The following MED6 variants were observed in gnomAD, a reference collection of about 807,000 sequenced individuals.
MED6 encodes the protein mediator complex subunit 6.
MED6 carries 33 observed loss-of-function variants against 37.5 expected under a neutral mutation model. The observed-to-expected ratio is 0.88, with a 90% CI of 0.67 to 1.18. The LOEUF (loss-of-function observed/expected upper bound fraction) is 1.18. Among genes scored for constraint, MED6 ranks in the 50% most tolerant of loss-of-function variants. The pLI is 0.00. For synonymous variants in MED6, 94 were observed against 93.6 expected (o/e 1.00, Z -0.02); for missense variants, 235 against 290.6 (o/e 0.81, Z 1.39).
In MED6 at chr14:70,585,819, A is replaced by G. The variant is rs768309120; in HGVS notation, c.583-36T>C. 20 of 1,584,136 alleles carry G rather than the reference A, an allele frequency of 1.3e-5. No individual in the cohort carries two copies. In the South Asian group the frequency reaches 2.2e-4, roughly 18 times the overall value. ...TTAGAAAAAAGGGAGGGAGAGGAAG[A>G]GGAAAAAGAAGAAAACAGGTCAACT... On this transcript the variant is annotated intron_variant, in intron 6 of 7. Coordinates refer to ENST00000256379, the MANE Select transcript of MED6 (RefSeq NM_005466.4).
rs781223773 is a variant in MED6 at position 70,584,860 on chromosome 14, T to C, written c.694A>G (p.Thr232Ala). Residue 232 changes from threonine (T) to alanine (A), a missense_variant, in exon 8 of 8, where the codon ACA becomes GCA. Thr to Ala is a moderately conservative substitution (Grantham distance 58). Coordinates refer to ENST00000256379, the MANE Select transcript of MED6 (RefSeq NM_005466.4). ...TCAGGGGGGCCTTTAGCACTCACTGTCTGTTGTACATTCTTTGTGGTCTCC... is the reference window on the plus strand; with the variant it reads ...TCAGGGGGGCCTTTAGCACTCACTGCCTGTTGTACATTCTTTGTGGTCTCC... ...EKETTKNVQQ[T>A]VSAKGPPEKR... is the part of the protein sequence containing the mutation. 1 of 1,614,214 alleles carries C rather than the reference T, an allele frequency of 6.2e-7. No individual in the cohort carries two copies. Among genetic ancestry groups the C allele is most frequent in the Non-Finnish European group, 8.5e-7 (1 of 1,180,024 alleles).
intron 1 of MED6, among the ~76,000 whole-genome samples, chr14:70,600,327 G>A (rs1228276791): frequency 6.6e-6 from 1 of 151,760 alleles, no homozygotes; most frequent in East Asian, 1.9e-4. Flanking sequence ...TAGCCCTAAT[G>A]TTGTTGCAGA....
At chr14:70,590,719 T>C (rs10142880) in intron 6 of MED6, among the ~76,000 whole-genome samples, 5,508 of 152,262 alleles carry the variant, frequency 0.036, 332 homozygotes, top group African/African-American at 0.12. Context: ...GGATTTGCTA[T>C]TGCTGTTAGA....
rs756169627 is a variant in MED6, at chr14:70,597,791, A to G, written c.23-14T>C. 1 of 1,534,636 alleles carries G rather than the reference A, an allele frequency of 6.5e-7. No individual in the cohort carries two copies. The highest frequency in any genetic ancestry group is 8.7e-7 in the Non-Finnish European group (1 of 1,154,198). On this transcript the variant is annotated splice_polypyrimidine_tract_variant and intron_variant, in intron 1 of 7. Transcript: ENST00000256379. The stretch of plus-strand genomic sequence containing the variant: ...CCAGCAGATTGTCTATGGGAAAGAA[A>G]ACAAAATGATAAAGGATTAGAAAAA...
rs764749128 is a variant in MED6 at position 70,584,774 on chromosome 14, A to C, written c.*39T>G. On this transcript the variant is annotated 3_prime_UTR_variant, in exon 8 of 8. Transcript: ENST00000256379. ...GCCACAGTACTGAGGTATGATAACT[A>C]GCATGAGGAGTCTTCCAGGCTTCTC... is the stretch of plus-strand genomic sequence containing the variant. The C allele has an allele frequency of 1.2e-6, 2 of 1,601,880 alleles. No individual in the cohort carries two copies. Among genetic ancestry groups the C allele is most frequent in the African/African-American group, 1.3e-5 (1 of 74,110 alleles).
At chr14:70,592,179 G>A (rs1239639976) in intron 5 of MED6, among the ~76,000 whole-genome samples, 1 of 152,160 alleles carries the variant, frequency 6.6e-6, no homozygotes, top group Non-Finnish European at 1.5e-5. Flanking sequence ...AGGAAATGGA[G>A]AATACAAGTA....
rs759833097 is a variant in MED6, at chr14:70,584,176, T to G, written c.*637A>C. On this transcript the variant is annotated 3_prime_UTR_variant, in exon 8 of 8. Transcript: ENST00000256379. ...TTAGTTACTACTTTAACATCCTTTATGTCTTCAAAGTGCATCTGAAAAATA... is the reference window on the plus strand; with the variant it reads ...TTAGTTACTACTTTAACATCCTTTAGGTCTTCAAAGTGCATCTGAAAAATA... 1.3e-6 allele frequency: 1 copy of G among 757,012 alleles called. No homozygotes were observed. The highest frequency in any genetic ancestry group is 1.7e-5 in the African/African-American group (1 of 58,312). The allele number at this position is 757,012 out of a possible 1,614,324, so 46.9% of individuals were successfully genotyped here.
chr14:70,594,858 C>A, intron 3 of MED6: 3 of 664,004 alleles, frequency 4.5e-6, no homozygotes, highest in South Asian at 4.1e-5. Flanking sequence ...GAGTGAGGAG[C>A]CTGGAGACCG....
At chr14:70,594,433 C>CCAAAATG in intron 3 of MED6, 4 of 231,568 alleles carry the variant, frequency 1.7e-5, no homozygotes, top group Non-Finnish European at 3.4e-5. Flanking sequence ...TTTGATATGA[C>CCAAAATG]CAGATCTACC....
chr14:70,598,294 T>C (rs984266069), intron 1 of MED6, among the ~76,000 whole-genome samples: 1 of 151,626 alleles, frequency 6.6e-6, no homozygotes, highest in South Asian at 2.1e-4. Context: ...TGAAACTCCG[T>C]CTCAAAAAAA....
At chr14:70,591,142 C>T in intron 6 of MED6, 124 bp downstream of exon 6, 1 of 709,586 alleles carries the variant, frequency 1.4e-6, no homozygotes, top group Admixed American at 3.2e-5. Flanking sequence ...ATACAGAGAT[C>T]ATTTTTTAAC....
At chr14:70,595,364 G>C (rs966440223) in intron 3 of MED6, 1 of 565,702 alleles carries the variant, frequency 1.8e-6, no homozygotes, top group Non-Finnish European at 3.4e-6. Context: ...AGCAGATTGA[G>C]GAGAACACCA....
chr14:70,600,530 G>T, intron 1 of MED6, 86 bp downstream of exon 1: 1 of 1,472,788 alleles, frequency 6.8e-7, no homozygotes, highest in South Asian at 1.2e-5. Flanking sequence ...TTCACACAAA[G>T]GAACCTAAAC....
intron 6 of MED6, among the ~76,000 whole-genome samples, chr14:70,590,078 C>A (rs1884824553): frequency 6.6e-6 from 1 of 152,112 alleles, no homozygotes; most frequent in South Asian, 2.1e-4. Flanking sequence ...CTTTTTCATA[C>A]AAGTCTGAAA....
intron 7 of MED6, among the ~76,000 whole-genome samples, chr14:70,585,197 A>G (rs917386379): frequency 6.6e-6 from 1 of 152,252 alleles, no homozygotes; most frequent in African/African-American, 2.4e-5. Flanking sequence ...AACAAGATAT[A>G]TAATTATTCT....
Position 70,595,652 on chromosome 14 carries a change from G to C in MED6, c.274+959C>G, listed in dbSNP as rs1684587599. The C allele has an allele frequency of 2.3e-5, 22 of 954,496 alleles. 1 individual carries two copies. The South Asian group carries it at 2.6e-4, about 11-fold the overall frequency. 59.1% of individuals were successfully genotyped at this position (954,496 alleles called of 1,614,324 possible). A position where few individuals can be genotyped will look rare whatever the true frequency, so the allele number is the denominator to read the frequency against. On this transcript the variant is annotated intron_variant, in intron 3 of 7. Coordinates refer to ENST00000256379, the MANE Select transcript of MED6 (RefSeq NM_005466.4). ...AGGCCCTGCTGAACATCAAGGTCAA[G>C]CTGTAGGCTGAGATCACCACCTACC... is the stretch of plus-strand genomic sequence containing the variant.
chr14:70,597,536 A>G, intron 2 of MED6, 82 bp downstream of exon 2: 1 of 1,242,422 alleles, frequency 8.0e-7, no homozygotes. Flanking sequence ...TCTACTCTGC[A>G]CTTCATGATC....
chr14:70,594,120 A>G (rs10483832), intron 3 of MED6, among the ~76,000 whole-genome samples: 28,094 of 152,126 alleles, frequency 0.18, 3,399 homozygotes, highest in East Asian at 0.52. Context: ...CAAGTTAAAG[A>G]TTGTCCATAA....
chr14:70,599,490 T>C (rs1008676401), intron 1 of MED6, among the ~76,000 whole-genome samples: 11 of 152,260 alleles, frequency 7.2e-5, no homozygotes, highest in Non-Finnish European at 1.5e-4. Context: ...ATCACATCAT[T>C]CCTCTGATGG....
Sources: gnomAD v4.1 joint callset for allele counts (sites outside exome capture counted in the v4.1 genomes callset) on GRCh38, gnomAD v4.1.1 for gene constraint, MANE v1.5 for transcripts, NCBI Gene and HGNC (gene_info 2026-07-23, HGNC 2026-07-21) for gene names.